Variants in SLC25A24 observed in about 807,000 individuals in gnomAD.
The protein encoded by SLC25A24 is mitochondrial adenyl nucleotide antiporter SLC25A24.
A neutral mutation model predicts 60.7 loss-of-function variants in SLC25A24; 49 were observed. The ratio of observed to expected loss-of-function variants is 0.81; its 90% CI spans 0.64 to 1.02. The LOEUF is 1.02. SLC25A24 is among the 50% of genes least tolerant of loss of function. The pLI, the probability that SLC25A24 is intolerant of heterozygous loss-of-function variation, is 0.00. For missense variants in SLC25A24, 564 were observed against 586.3 expected (o/e 0.96, Z 0.39); for synonymous variants, 202 against 200.6 (o/e 1.01, Z -0.06).
chr1:108,170,244 A>G (rs1647414959), intron 3 of SLC25A24, among the ~76,000 whole-genome samples: 1 of 152,188 alleles, frequency 6.6e-6, no homozygotes, highest in Non-Finnish European at 1.5e-5. Context: ...TGAGAAGTGT[A>G]TATCACACTT....
rs749274052 is a variant in SLC25A24, at chr1:108,200,165, C to G, written c.-27G>C. On this transcript the variant is annotated 5_prime_UTR_variant, in exon 1 of 10. Coordinates refer to ENST00000565488, the MANE Select transcript of SLC25A24 (RefSeq NM_013386.5). ...GTCCCAGAGGCGCAGGCGGCCTGGC[C>G]GAGGAAGTCACGGGAGATCGAGGGC... The G allele has an allele frequency of 6.5e-7, 1 of 1,533,796 alleles. No homozygotes were observed. Among genetic ancestry groups the G allele is most frequent in the Non-Finnish European group, 8.7e-7 (1 of 1,143,584 alleles).
chr1:108,151,067 G>T (rs902030446), intron 6 of SLC25A24, among the ~76,000 whole-genome samples: 3 of 152,016 alleles, frequency 2.0e-5, no homozygotes, highest in Admixed American at 1.3e-4. Context: ...TGGGTGTTGT[G>T]GTGCACTCCT....
chr1:108,182,078 C>T, intron 2 of SLC25A24, 50 bp from the exon 3 acceptor site: 1 of 1,135,348 alleles, frequency 8.8e-7, no homozygotes, highest in Non-Finnish European at 1.3e-6. Flanking sequence ...CTGGTAAGAA[C>T]CACAGAAATT....
chr1:108,179,555 A>G (rs1375862313), intron 3 of SLC25A24, among the ~76,000 whole-genome samples: 2 of 152,224 alleles, frequency 1.3e-5, no homozygotes, highest in African/African-American at 4.8e-5. Context: ...TGCTATATAT[A>G]TACAATAGAA....
chr1:108,172,003 A>C (rs2101629260), intron 3 of SLC25A24, among the ~76,000 whole-genome samples: 1 of 152,354 alleles, frequency 6.6e-6, no homozygotes, highest in South Asian at 2.1e-4. Flanking sequence ...ACAGAAACAA[A>C]TTGCATAGTC....
Position 108,148,352 on chromosome 1 carries a change from A to G in SLC25A24, c.857T>C (p.Ile286Thr), listed in dbSNP as rs771105293. The change falls in exon 7 of 10, where the codon ATA (isoleucine) becomes ACA (threonine). Residue 286 changes from isoleucine (I) to threonine (T), a missense_variant. Coordinates refer to ENST00000565488, the MANE Select transcript of SLC25A24 (RefSeq NM_013386.5). Reference sequence around the variant, plus strand: ...AGAAATAAATCTCTCAAATGTTCCTATTTTTTGTCCTTCTTCAGTAAGTAA... The same window carrying G: ...AGAAATAAATCTCTCAAATGTTCCTGTTTTTTGTCCTTCTTCAGTAAGTAA... Reference protein sequence around the residue: ...KKLLTEEGQKIGTFERFISGS... With the variant: ...KKLLTEEGQKTGTFERFISGS... 1.2e-6 allele frequency: 2 copies of G among 1,612,788 alleles called. No individual in the cohort carries two copies.
intron 1 of SLC25A24, among the ~76,000 whole-genome samples, chr1:108,190,609 A>G (rs1001581640): frequency 1.3e-5 from 2 of 152,182 alleles, no homozygotes; most frequent in Non-Finnish European, 2.9e-5. Context: ...AAAAAACAAA[A>G]CAATATATTG....
intron 3 of SLC25A24, among the ~76,000 whole-genome samples, chr1:108,172,071 T>C (rs1323907967): frequency 6.6e-6 from 1 of 152,078 alleles, no homozygotes; most frequent in Non-Finnish European, 1.5e-5. Context: ...GAAAGAAATG[T>C]AAAGATATGA....
chr1:108,174,381 C>T (rs1069903), intron 3 of SLC25A24, among the ~76,000 whole-genome samples: 107,412 of 152,092 alleles, frequency 0.71, 38,368 homozygotes, highest in African/African-American at 0.81. Context: ...AGTCTGCGGG[C>T]ACACAGAAGA....
intron 3 of SLC25A24, among the ~76,000 whole-genome samples, chr1:108,169,360 T>A (rs1329738401): frequency 6.6e-6 from 1 of 152,210 alleles, no homozygotes. Flanking sequence ...TGGGTTTTTT[T>A]AATGGCATTG....
chr1:108,182,403 C>T (rs1647961349), intron 2 of SLC25A24, among the ~76,000 whole-genome samples: 1 of 152,174 alleles, frequency 6.6e-6, no homozygotes, highest in Non-Finnish European at 1.5e-5. Context: ...AGGATCTATT[C>T]ATTTTAAAAG....
At chr1:108,165,236 C>T (rs895859479) in intron 3 of SLC25A24, among the ~76,000 whole-genome samples, 4 of 151,942 alleles carry the variant, frequency 2.6e-5, no homozygotes, top group Non-Finnish European at 5.9e-5. Flanking sequence ...TTTGGAATAG[C>T]CGTGGTGTGG....
intron 4 of SLC25A24, among the ~76,000 whole-genome samples, chr1:108,159,045 A>C (rs1161531390): frequency 6.6e-6 from 1 of 152,144 alleles, no homozygotes; most frequent in Non-Finnish European, 1.5e-5. Flanking sequence ...AAAAATAAAT[A>C]AAACTCCTTC....
At chr1:108,189,912 T>C (rs1489704652) in intron 1 of SLC25A24, among the ~76,000 whole-genome samples, 1 of 150,954 alleles carries the variant, frequency 6.6e-6, no homozygotes, top group African/African-American at 2.4e-5. Flanking sequence ...ATATATAGGG[T>C]TCAATATTAC....
chr1:108,187,060 A>T (rs1342038481), intron 1 of SLC25A24, among the ~76,000 whole-genome samples: 1 of 147,030 alleles, frequency 6.8e-6, no homozygotes, highest in Non-Finnish European at 1.5e-5. Flanking sequence ...CTAGGCAATA[A>T]GAGTGAAACT....
chr1:108,172,941 CA>C (rs35647032), intron 3 of SLC25A24, among the ~76,000 whole-genome samples: 1 of 151,730 alleles, frequency 6.6e-6, no homozygotes, highest in Non-Finnish European at 1.5e-5. Flanking sequence ...AACAATATCC[CA>C]AAAGTACAAA....
At chr1:108,163,675 C>A (rs1001018860) in intron 3 of SLC25A24, among the ~76,000 whole-genome samples, 22 of 151,500 alleles carry the variant, frequency 1.5e-4, no homozygotes, top group Non-Finnish European at 2.1e-4. Context: ...TGCTTATCAG[C>A]TTAAGGAGAT....
chr1:108,138,888 C>G (rs1679364623), intron 9 of SLC25A24, among the ~76,000 whole-genome samples, 170 bp downstream of exon 9: 1 of 151,974 alleles, frequency 6.6e-6, no homozygotes, highest in African/African-American at 2.4e-5. Flanking sequence ...GACGAGGGAG[C>G]ATTTAGAAAA....
At chr1:108,192,764 A>C in intron 1 of SLC25A24, 1 of 1,346,184 alleles carries the variant, frequency 7.4e-7, no homozygotes. Context: ...CGCCAAACAC[A>C]ATGCACCTTC....
Sources: allele counts gnomAD v4.1 joint callset (sites outside exome capture counted in the v4.1 genomes callset), GRCh38; gene constraint gnomAD v4.1.1; transcripts MANE v1.5; gene names NCBI Gene and HGNC (gene_info 2026-07-23, HGNC 2026-07-21).